Variants in PDZRN4 observed in about 807,000 individuals in gnomAD.
The protein encoded by PDZRN4 is PDZ domain containing ring finger 4.
PDZRN4 carries 70 observed loss-of-function variants against 99.0 expected under a neutral mutation model. The observed-to-expected ratio is 0.71, with a 90% CI of 0.58 to 0.86. The LOEUF (loss-of-function observed/expected upper bound fraction) is 0.86, where lower values mean the gene tolerates loss of function less well. PDZRN4 is among the 40% of genes least tolerant of loss of function. The pLI is 0.00. For synonymous variants in PDZRN4, 551 were observed against 501.6 expected, an observed-to-expected ratio of 1.10 and a Z score of -1.32; for missense variants, 1,474 against 1,331.2, an observed-to-expected ratio of 1.11 and a Z score of -1.67.
intron 3 of PDZRN4, among the ~76,000 whole-genome samples, chr12:41,199,185 A>G (rs976601515): frequency 6.6e-6 from 1 of 152,214 alleles, no homozygotes; most frequent in African/African-American, 2.4e-5. Flanking sequence ...AGAAGCATTT[A>G]CAAGTTTCTA....
At chr12:41,270,660 G>A (rs1372078982) in intron 3 of PDZRN4, among the ~76,000 whole-genome samples, 3 of 152,000 alleles carry the variant, frequency 2.0e-5, no homozygotes, top group Non-Finnish European at 2.9e-5. Flanking sequence ...TACAATAAAT[G>A]TACTTACTTT....
At chr12:41,509,941 T>C (rs781169833) in intron 5 of PDZRN4, 28 bp downstream of exon 5, 1 of 1,072,072 alleles carries the variant, frequency 9.3e-7, no homozygotes. Flanking sequence ...CCACTTCACA[T>C]TTCTTCATGA....
chr12:41,209,406 T>C (rs965852057), intron 3 of PDZRN4, among the ~76,000 whole-genome samples: 1 of 152,066 alleles, frequency 6.6e-6, no homozygotes, highest in African/African-American at 2.4e-5. Context: ...GCAGGTTTGT[T>C]ACATATGTAT....
At chr12:41,340,040 A>G (rs1033610648) in intron 3 of PDZRN4, among the ~76,000 whole-genome samples, 2 of 152,112 alleles carry the variant, frequency 1.3e-5, no homozygotes, top group Non-Finnish European at 1.5e-5. Context: ...AACTAAAAAT[A>G]GACCTCCTAT....
Position 41,434,284 on chromosome 12 carries a change from T to C in PDZRN4, c.844-72172T>C, listed in dbSNP as rs75386870. Reference sequence around the variant, plus strand: ...TGGTTTAGCTTAATATGCTCCTCTGTTCTCTGCATTCGCTGACATTTGCTC... The same window carrying C: ...TGGTTTAGCTTAATATGCTCCTCTGCTCTCTGCATTCGCTGACATTTGCTC... On this transcript the variant is annotated intron_variant, in intron 3 of 9. Transcript: ENST00000402685. Among the ~76,000 whole-genome samples, 495 of 152,286 alleles carry C rather than the reference T, an allele frequency of 3.3e-3. 17 individuals carry two copies. In the East Asian group the frequency reaches 0.088, roughly 27 times the overall value.
intron 3 of PDZRN4, among the ~76,000 whole-genome samples, chr12:41,294,253 C>A (rs1359364535): frequency 6.6e-6 from 1 of 152,094 alleles, no homozygotes; most frequent in Non-Finnish European, 1.5e-5. Flanking sequence ...CCTTTAACAC[C>A]CTCGTTGTGC....
intron 2 of PDZRN4, among the ~76,000 whole-genome samples, chr12:41,192,084 A>T (rs867411528): frequency 9.9e-5 from 15 of 151,878 alleles, no homozygotes; most frequent in African/African-American, 3.4e-4. Flanking sequence ...CCTGGCTCTG[A>T]TTTTATTATT....
chr12:41,384,990 T>A (rs1952157867), intron 3 of PDZRN4, among the ~76,000 whole-genome samples: 1 of 152,172 alleles, frequency 6.6e-6, no homozygotes, highest in Admixed American at 6.5e-5. Context: ...CAATGATGAA[T>A]CCTACATTCT....
intron 3 of PDZRN4, among the ~76,000 whole-genome samples, chr12:41,368,846 G>A (rs1484084067): frequency 1.3e-5 from 2 of 152,202 alleles, no homozygotes; most frequent in African/African-American, 4.8e-5. Flanking sequence ...GTCAGTGGCT[G>A]CTCTCAATGA....
chr12:41,574,063 G>T lies in PDZRN4; in HGVS notation c.*173G>T. On this transcript the variant is annotated 3_prime_UTR_variant, in exon 10 of 10. Transcript: ENST00000402685. Reference sequence around the variant, plus strand: ...TTTTTCATTTGTTTTTCATATACTGGTACCTTCTTTTTGGCTGAGATCTTT... The same window carrying T: ...TTTTTCATTTGTTTTTCATATACTGTTACCTTCTTTTTGGCTGAGATCTTT... The T allele has an allele frequency of 2.4e-6, 1 of 419,700 alleles. No individual in the cohort carries two copies. Among genetic ancestry groups the T allele is most frequent in the Non-Finnish European group, 4.2e-6 (1 of 238,284 alleles). 26.0% of individuals were successfully genotyped at this position (419,700 alleles called of 1,614,324 possible). A position where few individuals can be genotyped will look rare whatever the true frequency, so the allele number is the denominator to read the frequency against.
chr12:41,560,316 G>A (rs887045409), intron 7 of PDZRN4, among the ~76,000 whole-genome samples: 9 of 152,096 alleles, frequency 5.9e-5, no homozygotes, highest in South Asian at 4.1e-4. Context: ...GAAGAGAAAA[G>A]CTATATTACA....
At chr12:41,543,267 C>G (rs1043004346) in intron 5 of PDZRN4, among the ~76,000 whole-genome samples, 1 of 152,148 alleles carries the variant, frequency 6.6e-6, no homozygotes, top group African/African-American at 2.4e-5. Context: ...ACAATGATCT[C>G]TTAAATGACC....
At chr12:41,380,055 T>C (rs1952112649) in intron 3 of PDZRN4, among the ~76,000 whole-genome samples, 2 of 152,094 alleles carry the variant, frequency 1.3e-5, no homozygotes, top group South Asian at 4.1e-4. Flanking sequence ...TCAATTGTTA[T>C]ATCTTTTTGA....
intron 3 of PDZRN4, chr12:41,437,746 T>C: frequency 9.4e-6 from 14 of 1,485,148 alleles, no homozygotes; most frequent in Non-Finnish European, 1.2e-5. Context: ...TGCAAGATAC[T>C]TAGGGAAAGC....
intron 5 of PDZRN4, among the ~76,000 whole-genome samples, chr12:41,514,593 T>A (rs1212676623): frequency 6.6e-6 from 1 of 152,098 alleles, no homozygotes; most frequent in Non-Finnish European, 1.5e-5. Flanking sequence ...GCCTTGCTTA[T>A]CATTGTATCA....
chr12:41,346,445 G>C (rs1592021728), intron 3 of PDZRN4, among the ~76,000 whole-genome samples: 1 of 151,980 alleles, frequency 6.6e-6, no homozygotes, highest in Admixed American at 6.6e-5. Context: ...CTGGGTGAAA[G>C]AGCGAGATTC....
At chr12:41,303,453 G>A (rs1337967561) in intron 3 of PDZRN4, among the ~76,000 whole-genome samples, 2 of 152,020 alleles carry the variant, frequency 1.3e-5, no homozygotes, top group African/African-American at 4.8e-5. Context: ...CTCTGCATAG[G>A]CCAAAGGCTA....
intron 3 of PDZRN4, among the ~76,000 whole-genome samples, chr12:41,396,622 G>A (rs1296824428): frequency 1.3e-5 from 2 of 152,122 alleles, no homozygotes; most frequent in African/African-American, 4.8e-5. Context: ...CAAGGCGTTG[G>A]CTGGGGCTGC....
intron 5 of PDZRN4, among the ~76,000 whole-genome samples, chr12:41,547,447 G>A (rs536099779): frequency 6.6e-6 from 1 of 152,142 alleles, no homozygotes; most frequent in Non-Finnish European, 1.5e-5. Context: ...CCAACATGGT[G>A]AAACCCCATC....
Sources: gnomAD v4.1 joint callset for allele counts (sites outside exome capture counted in the v4.1 genomes callset) on GRCh38, gnomAD v4.1.1 for gene constraint, MANE v1.5 for transcripts, NCBI Gene and HGNC (gene_info 2026-07-23, HGNC 2026-07-21) for gene names.